Variants in UTRN observed in about 807,000 individuals in gnomAD.
UTRN encodes the protein utrophin, also known as dystrophin-related protein 1.
UTRN carries 283 observed loss-of-function variants against 463.9 expected under a neutral mutation model. That is an observed-to-expected ratio of 0.61 (90% confidence interval 0.55 to 0.67). The LOEUF (loss-of-function observed/expected upper bound fraction) is 0.67, where lower values mean the gene tolerates loss of function less well. Ranked by LOEUF, UTRN falls within the 30% of genes least tolerant of loss-of-function variation. The pLI is 0.00. For missense variants in UTRN, 3,922 were observed against 4,084.3 expected, an observed-to-expected ratio of 0.96 and a Z score of 1.08; for synonymous variants, 1,442 against 1,431.5, an observed-to-expected ratio of 1.01 and a Z score of -0.17.
intron 34 of UTRN, among the ~76,000 whole-genome samples, chr6:144,504,304 C>T (rs1794504521): frequency 6.6e-6 from 1 of 152,182 alleles, no homozygotes; most frequent in South Asian, 2.1e-4. Context: ...AGAGGGCATC[C>T]TTGTCTTGTG....
chr6:144,385,095 A>G (rs1232221253), intron 2 of UTRN, among the ~76,000 whole-genome samples: 1 of 152,190 alleles, frequency 6.6e-6, no homozygotes, highest in Non-Finnish European at 1.5e-5. Flanking sequence ...ATCACGAGTT[A>G]TATTTTATAC....
At chr6:144,525,189 T>C (rs1796457414) in intron 41 of UTRN, among the ~76,000 whole-genome samples, 4 of 152,168 alleles carry the variant, frequency 2.6e-5, no homozygotes, top group Non-Finnish European at 5.9e-5. Context: ...ATTAGGGTAA[T>C]ACTGGCTTCA....
intron 13 of UTRN, among the ~76,000 whole-genome samples, chr6:144,441,958 G>A (rs1787215249): frequency 6.6e-6 from 1 of 152,128 alleles, no homozygotes. Flanking sequence ...GGGATGCAGG[G>A]CACCAAGTAC....
intron 2 of UTRN, among the ~76,000 whole-genome samples, chr6:144,358,554 T>C (rs1270685418): frequency 6.6e-6 from 1 of 152,204 alleles, no homozygotes; most frequent in Admixed American, 6.5e-5. Flanking sequence ...CATGGAAATT[T>C]TTATTCCTAA....
chr6:144,568,716 G>T (rs957992172), intron 50 of UTRN, among the ~76,000 whole-genome samples: 4 of 152,140 alleles, frequency 2.6e-5, no homozygotes, highest in African/African-American at 9.7e-5. Flanking sequence ...TGAGAGTGGA[G>T]GAACACTTCT....
intron 3 of UTRN, among the ~76,000 whole-genome samples, chr6:144,419,417 T>C (rs1348941233): frequency 6.6e-6 from 1 of 152,262 alleles, no homozygotes; most frequent in Non-Finnish European, 1.5e-5. Flanking sequence ...GGTGAAAATT[T>C]ACTGCACTTT....
chr6:144,831,963 G>GT (rs892018928), intron 69 of UTRN, among the ~76,000 whole-genome samples: 2 of 151,926 alleles, frequency 1.3e-5, no homozygotes, highest in South Asian at 4.1e-4. Flanking sequence ...ATGAATCACA[G>GT]TTTTTTTGTC....
chr6:144,832,893 C>G (rs1451966970), intron 69 of UTRN, among the ~76,000 whole-genome samples: 2 of 152,126 alleles, frequency 1.3e-5, no homozygotes, highest in East Asian at 3.9e-4. Context: ...AATCTCAGCT[C>G]ACTGCAACCT....
At chr6:144,712,101 T>A (rs1417069352) in intron 53 of UTRN, among the ~76,000 whole-genome samples, 1 of 152,156 alleles carries the variant, frequency 6.6e-6, no homozygotes, top group Non-Finnish European at 1.5e-5. Context: ...AGTGGGAAAC[T>A]TGTCTTTTTC....
At chr6:144,424,575 A>G (rs557084531) in intron 6 of UTRN, among the ~76,000 whole-genome samples, 3 of 152,192 alleles carry the variant, frequency 2.0e-5, no homozygotes, top group South Asian at 4.1e-4. Flanking sequence ...AATTCAACTC[A>G]TAACAATTTT....
intron 64 of UTRN, among the ~76,000 whole-genome samples, chr6:144,801,940 C>T (rs916833792): frequency 1.3e-5 from 2 of 152,134 alleles, no homozygotes; most frequent in Non-Finnish European, 2.9e-5. Context: ...CCTTGAAATT[C>T]CAATTAGAAC....
chr6:144,770,904 T>C (rs13195905), intron 58 of UTRN, among the ~76,000 whole-genome samples: 16,834 of 152,042 alleles, frequency 0.11, 1,302 homozygotes, highest in East Asian at 0.46. Flanking sequence ...AAGGGTAGAT[T>C]TGCACTGAGG....
chr6:144,554,742 A>G lies in UTRN; in HGVS notation c.6983A>G (p.Gln2328Arg). 1 of 1,614,064 alleles carries G rather than the reference A, an allele frequency of 6.2e-7. No individual in the cohort carries two copies. Residue 2328 changes from glutamine to arginine, a missense_variant, in exon 49 of 75, where the codon CAG becomes CGG. Gln to Arg is a conservative substitution (Grantham distance 43). Around this residue, in one of 3 missense-constraint regions of UTRN, gnomAD observed 1,309 missense variants for 1,452.6 expected, o/e 0.90. Transcript: ENST00000367545. Reference protein sequence around the residue: ...DGTQHGVELRQQQLEDMIIDS... With the variant: ...DGTQHGVELRRQQLEDMIIDS... ...ACCCAGCATGGCGTTGAGCTAAGAC[A>G]GCAGCAGCTTGAGGACATGATTATT...
chr6:144,382,607 G>A (rs1781034680), intron 2 of UTRN, among the ~76,000 whole-genome samples: 1 of 152,152 alleles, frequency 6.6e-6, no homozygotes, highest in African/African-American at 2.4e-5. Context: ...TTGTTTAAGG[G>A]TTGCATTTTT....
At position 144,459,336 on chromosome 6, in the gene UTRN, C is replaced by G. The variant is rs752351771; in HGVS notation, c.2689C>G (p.Gln897Glu). Residue 897 changes from glutamine to glutamate, a missense_variant, in exon 21 of 75, where the codon CAA (glutamine) becomes GAA (glutamate). Transcript: ENST00000367545. ...TGTACAAGAGGCTGTAGAGGATCGT[C>G]AACAACATCTAGAGAATGGTAAACC... ...QAVQEAVEDR[Q>E]QHLENELKGQ... 1 of 1,604,458 alleles carries G rather than the reference C, an allele frequency of 6.2e-7. No homozygotes were observed. Among genetic ancestry groups the G allele is most frequent in the Non-Finnish European group, 8.5e-7 (1 of 1,176,338 alleles).
At chr6:144,750,889 C>T (rs550509399) in intron 55 of UTRN, among the ~76,000 whole-genome samples, 336 of 152,198 alleles carry the variant, frequency 2.2e-3, no homozygotes, top group African/African-American at 7.8e-3. Flanking sequence ...TTTCTAAGTG[C>T]TCTTAGTAAG....
chr6:144,702,936 G>A (rs1346579745), intron 53 of UTRN, among the ~76,000 whole-genome samples: 1 of 152,180 alleles, frequency 6.6e-6, no homozygotes, highest in African/African-American at 2.4e-5. Context: ...CTCAATGAGA[G>A]AGGAAGCCAT....
chr6:144,577,024 A>T, intron 50 of UTRN, 75 bp from the exon 51 acceptor site: 1 of 1,460,266 alleles, frequency 6.8e-7, no homozygotes, highest in Non-Finnish European at 9.3e-7. Context: ...TTAGTTTTTT[A>T]TTTAGGGGAT....
intron 2 of UTRN, among the ~76,000 whole-genome samples, chr6:144,295,718 G>A (rs1227369974): frequency 6.6e-6 from 1 of 152,184 alleles, no homozygotes; most frequent in Non-Finnish European, 1.5e-5. Context: ...CACTGCTGCT[G>A]CTGATGATGA....
Sources: gnomAD v4.1 joint callset for allele counts (sites outside exome capture counted in the v4.1 genomes callset) on GRCh38, gnomAD v4.1.1 for gene constraint, gnomAD v4.1.1 regional missense constraint, MANE v1.5 for transcripts, NCBI Gene and HGNC (gene_info 2026-07-23, HGNC 2026-07-21) for gene names.